TUSC7: variants seen among roughly 807,000 people sequenced by gnomAD.
TUSC7 encodes tumor suppressor candidate 7.
intron 1 of TUSC7, chr3:116,717,029 T>G (rs1449913303): frequency 6.6e-6 from 1 of 152,184 alleles, no homozygotes; most frequent in East Asian, 1.9e-4. Context: ...ATGACTATTG[T>G]GTACTCACGA....
intron 1 of TUSC7, chr3:116,716,042 G>C (rs1244376327): frequency 6.6e-6 from 1 of 152,184 alleles, no homozygotes. Context: ...AATTTGCCAT[G>C]ACTCAAAAAT....
At chr3:116,710,901 G>C (rs1262447955) in intron 1 of TUSC7, among the ~76,000 whole-genome samples, 1 of 152,112 alleles carries the variant, frequency 6.6e-6, no homozygotes, top group African/African-American at 2.4e-5. Context: ...GGAATTAGAA[G>C]TGTGTAGATA....
At chr3:116,713,332 T>C (rs1344319167) in intron 1 of TUSC7, among the ~76,000 whole-genome samples, 2 of 152,178 alleles carry the variant, frequency 1.3e-5, no homozygotes, top group Non-Finnish European at 2.9e-5. Flanking sequence ...TGACACTCCC[T>C]AACTGTTAAC....
At chr3:116,713,251 G>C (rs1386839736) in intron 1 of TUSC7, among the ~76,000 whole-genome samples, 1 of 152,168 alleles carries the variant, frequency 6.6e-6, no homozygotes, top group Non-Finnish European at 1.5e-5. Flanking sequence ...AGATGACCCA[G>C]TGAGAAAAAC....
At chr3:116,713,218 C>T (rs2051477510) in intron 1 of TUSC7, among the ~76,000 whole-genome samples, 1 of 152,176 alleles carries the variant, frequency 6.6e-6, no homozygotes, top group South Asian at 2.1e-4. Context: ...TAGACACAAA[C>T]TGTAATCAGG....
chr3:116,717,034 T>G (rs771595499), intron 1 of TUSC7: 1 of 152,168 alleles, frequency 6.6e-6, no homozygotes, highest in Non-Finnish European at 1.5e-5. Flanking sequence ...TATTGTGTAC[T>G]CACGAACTAT....
chr3:116,716,507 A>C (rs2051508912), intron 1 of TUSC7: 1 of 152,212 alleles, frequency 6.6e-6, no homozygotes, highest in Non-Finnish European at 1.5e-5. Flanking sequence ...CTGACAGCAA[A>C]AACAAGCAAA....
intron 1 of TUSC7, chr3:116,716,462 A>T (rs946427647): frequency 6.6e-6 from 1 of 152,190 alleles, no homozygotes; most frequent in Non-Finnish European, 1.5e-5. Context: ...TTCAAAAAAC[A>T]ATCTAAGAGA....
chr3:116,713,565 T>A (rs1190406033), intron 1 of TUSC7, among the ~76,000 whole-genome samples: 1 of 152,210 alleles, frequency 6.6e-6, no homozygotes. Flanking sequence ...GTACGAACAC[T>A]GTTGTTTCTA....
intron 1 of TUSC7, chr3:116,716,294 C>T (rs560628107): frequency 2.6e-5 from 4 of 152,198 alleles, no homozygotes; most frequent in African/African-American, 9.6e-5. Context: ...AAGTTTTGGC[C>T]CAAAAAGTGG....
chr3:116,713,101 C>T (rs2051476390), intron 1 of TUSC7, among the ~76,000 whole-genome samples: 1 of 152,078 alleles, frequency 6.6e-6, no homozygotes, highest in African/African-American at 2.4e-5. Flanking sequence ...AATTTTAATA[C>T]AATGTAGACT....
chr3:116,716,561 A>T (rs2051509452), intron 1 of TUSC7: 1 of 152,224 alleles, frequency 6.6e-6, no homozygotes, highest in Non-Finnish European at 1.5e-5. Context: ...AGTAACTAAA[A>T]CAAAGAAAGC....
At chr3:116,713,047 T>C (rs188328428) in intron 1 of TUSC7, among the ~76,000 whole-genome samples, 3 of 152,314 alleles carry the variant, frequency 2.0e-5, no homozygotes, top group African/African-American at 7.2e-5. Flanking sequence ...AATATATCTC[T>C]AACCCTGAGT....
intron 1 of TUSC7, among the ~76,000 whole-genome samples, chr3:116,715,991 T>C (rs2051502128): frequency 1.3e-5 from 2 of 152,184 alleles, no homozygotes; most frequent in Admixed American, 6.6e-5. Flanking sequence ...AACAATCCTA[T>C]TTTGAAAAAA....
At chr3:116,715,315 G>A (rs1445610518) in intron 1 of TUSC7, among the ~76,000 whole-genome samples, 99 of 152,126 alleles carry the variant, frequency 6.5e-4, no homozygotes, top group Non-Finnish European at 1.5e-5. Flanking sequence ...GTGTGGATAT[G>A]CTTATTATTC....
chr3:116,711,280 T>C (rs1221065572), intron 1 of TUSC7, among the ~76,000 whole-genome samples: 1 of 152,164 alleles, frequency 6.6e-6, no homozygotes, highest in Admixed American at 6.5e-5. Context: ...ACATGCATTG[T>C]AGTAACTATT....
At chr3:116,713,716 A>C (rs1046550464) in intron 1 of TUSC7, among the ~76,000 whole-genome samples, 8 of 152,340 alleles carry the variant, frequency 5.3e-5, no homozygotes, top group African/African-American at 1.9e-4. Context: ...CTGTAATCCC[A>C]GCACTTTGGG....
intron 1 of TUSC7, among the ~76,000 whole-genome samples, chr3:116,714,669 A>T (rs961816369): frequency 1.3e-5 from 2 of 152,156 alleles, no homozygotes; most frequent in Non-Finnish European, 2.9e-5. Context: ...CACTAGCCAC[A>T]TATCATTTTT....
At chr3:116,714,358 A>G (rs746381808) in intron 1 of TUSC7, among the ~76,000 whole-genome samples, 2 of 152,222 alleles carry the variant, frequency 1.3e-5, no homozygotes, top group African/African-American at 2.4e-5. Context: ...AAATTTTATC[A>G]TTAAAACAGT....
Sources: allele counts gnomAD v4.1 joint callset (sites outside exome capture counted in the v4.1 genomes callset), GRCh38; gene constraint gnomAD v4.1.1; transcripts MANE v1.5; gene names NCBI Gene and HGNC (gene_info 2026-07-23, HGNC 2026-07-21).